GABRB1: variants seen among roughly 807,000 people sequenced by gnomAD.
GABRB1 encodes the protein gamma-aminobutyric acid type A receptor subunit beta1, also known as gamma-aminobutyric acid receptor subunit beta-1.
Under a neutral mutation model 51.6 loss-of-function variants are expected in GABRB1, and 17 were observed. That is an observed-to-expected ratio of 0.33 (90% CI 0.23 to 0.49). The LOEUF is 0.49. GABRB1 is among the 20% of genes least tolerant of loss of function. GABRB1 has a pLI of 0.99. For synonymous variants in GABRB1, 247 were observed against 218.9 expected, an observed-to-expected ratio of 1.13 and a Z score of -1.14; for missense variants, 410 against 600.6, an observed-to-expected ratio of 0.68 and a Z score of 3.32.
intron 3 of GABRB1, among the ~76,000 whole-genome samples, chr4:47,074,091 A>T (rs1273007418): frequency 6.6e-6 from 1 of 152,236 alleles, no homozygotes; most frequent in Non-Finnish European, 1.5e-5. Flanking sequence ...TGATTGTATT[A>T]AAAACATTGC....
chr4:47,117,058 CA>C (rs1168719564), intron 3 of GABRB1, among the ~76,000 whole-genome samples: 1 of 152,064 alleles, frequency 6.6e-6, no homozygotes, highest in Non-Finnish European at 1.5e-5. Context: ...CTGAAGATTA[CA>C]ATTAGGTATG....
chr4:47,370,664 T>C (rs1727156685), intron 5 of GABRB1, among the ~76,000 whole-genome samples: 1 of 152,132 alleles, frequency 6.6e-6, no homozygotes, highest in South Asian at 2.1e-4. Flanking sequence ...GATATGCAGG[T>C]ATATTCTGTG....
chr4:47,153,225 A>G (rs888059407), intron 3 of GABRB1, among the ~76,000 whole-genome samples: 1 of 152,086 alleles, frequency 6.6e-6, no homozygotes, highest in Non-Finnish European at 1.5e-5. Flanking sequence ...GTTTAAATAT[A>G]GTAAACAACC....
intron 3 of GABRB1, among the ~76,000 whole-genome samples, chr4:47,109,291 G>A (rs1047320641): frequency 7.9e-5 from 12 of 152,084 alleles, no homozygotes; most frequent in Admixed American, 4.6e-4. Flanking sequence ...ATAGAGGTGG[G>A]TAACTTAGGT....
At chr4:47,066,447 A>G (rs182622793) in intron 3 of GABRB1, among the ~76,000 whole-genome samples, 51 of 152,296 alleles carry the variant, frequency 3.3e-4, no homozygotes, top group African/African-American at 1.0e-3. Flanking sequence ...CATTTTATTC[A>G]TAGTAGAACT....
At chr4:47,293,925 T>C (rs1354383060) in intron 4 of GABRB1, among the ~76,000 whole-genome samples, 4 of 152,170 alleles carry the variant, frequency 2.6e-5, no homozygotes, top group Non-Finnish European at 5.9e-5. Context: ...TGAAAACATA[T>C]AACACAAATT....
At chr4:47,041,854 A>C (rs549858845) in intron 3 of GABRB1, among the ~76,000 whole-genome samples, 2 of 152,108 alleles carry the variant, frequency 1.3e-5, no homozygotes, top group East Asian at 3.9e-4. Flanking sequence ...ACCTCCTGCC[A>C]CCTGCAAACC....
chr4:46,998,290 T>C (rs1724065390), intron 1 of GABRB1, among the ~76,000 whole-genome samples: 1 of 152,192 alleles, frequency 6.6e-6, no homozygotes, highest in Non-Finnish European at 1.5e-5. Context: ...TAATTATTTT[T>C]TTATAATTTT....
At chr4:47,404,967 C>T (rs1318999060) in intron 7 of GABRB1, among the ~76,000 whole-genome samples, 1 of 152,108 alleles carries the variant, frequency 6.6e-6, no homozygotes, top group Non-Finnish European at 1.5e-5. Context: ...TTAAGCTATT[C>T]TTTGGATGGT....
At chr4:47,009,313 C>T (rs1724514840) in intron 1 of GABRB1, among the ~76,000 whole-genome samples, 1 of 151,068 alleles carries the variant, frequency 6.6e-6, no homozygotes, top group Non-Finnish European at 1.5e-5. Context: ...ATCACATTTA[C>T]CACACAAAAT....
At chr4:47,225,166 A>G (rs1417885709) in intron 4 of GABRB1, among the ~76,000 whole-genome samples, 6 of 152,122 alleles carry the variant, frequency 3.9e-5, no homozygotes, top group Non-Finnish European at 8.8e-5. Flanking sequence ...AAGTGCTGGG[A>G]TTACAGGCAT....
At chr4:47,350,218 T>TATATAGAGAG (rs750199965) in intron 5 of GABRB1, among the ~76,000 whole-genome samples, 244 of 56,600 alleles carry the variant, frequency 4.3e-3, no homozygotes, top group Non-Finnish European at 4.8e-3. Flanking sequence ...TATATATATA[T>TATATAGAGAG]AGAGAGAGAG....
At chr4:47,319,525 C>T (rs1456787581) in intron 4 of GABRB1, among the ~76,000 whole-genome samples, 1 of 152,044 alleles carries the variant, frequency 6.6e-6, no homozygotes, top group East Asian at 1.9e-4. Context: ...TCCTAGCATC[C>T]CAGTAATAAA....
intron 3 of GABRB1, among the ~76,000 whole-genome samples, chr4:47,124,670 C>T: frequency 6.6e-6 from 1 of 152,056 alleles, no homozygotes; most frequent in Non-Finnish European, 1.5e-5. Flanking sequence ...ATAGAAATTG[C>T]AGAAAAGAAC....
chr4:47,021,807 T>C (rs1162225877), intron 1 of GABRB1, among the ~76,000 whole-genome samples: 1 of 152,080 alleles, frequency 6.6e-6, no homozygotes, highest in Non-Finnish European at 1.5e-5. Context: ...ACTTTTCCCA[T>C]CTGCTCCTCC....
At chr4:47,223,833 A>AT in intron 4 of GABRB1, among the ~76,000 whole-genome samples, 1 of 152,266 alleles carries the variant, frequency 6.6e-6, no homozygotes, top group East Asian at 1.9e-4. Context: ...ACAAGAAAAA[A>AT]TTGAGAAATC....
chr4:47,111,111 G>T (rs1315075548), intron 3 of GABRB1, among the ~76,000 whole-genome samples: 2 of 152,162 alleles, frequency 1.3e-5, no homozygotes, highest in African/African-American at 4.8e-5. Context: ...TTCTTCAAAA[G>T]ATTTTATCTC....
chr4:47,323,211 G>C, intron 5 of GABRB1, among the ~76,000 whole-genome samples: 1 of 152,086 alleles, frequency 6.6e-6, no homozygotes, highest in East Asian at 1.9e-4. Context: ...AACCAGGCAG[G>C]CCTTGATTCT....
chr4:47,269,935 T>TACACACACACACACACACACACACAC (rs10639386), intron 4 of GABRB1, among the ~76,000 whole-genome samples: 1 of 135,970 alleles, frequency 7.4e-6, no homozygotes, highest in African/African-American at 2.8e-5. Context: ...CAACTCTCCC[T>TACACACACACACACACACACACACAC]ACACACACAC....
Sources: allele counts gnomAD v4.1 joint callset (sites outside exome capture counted in the v4.1 genomes callset), GRCh38; gene constraint gnomAD v4.1.1; transcripts MANE v1.5; gene names NCBI Gene and HGNC (gene_info 2026-07-23, HGNC 2026-07-21).